Variants in FGFR1 observed in about 807,000 individuals in gnomAD.
The protein encoded by FGFR1 is FGFR1/PLAG1 fusion.
FGFR1 carries 18 observed loss-of-function variants against 93.7 expected under a neutral mutation model. That is an observed-to-expected ratio of 0.19 (90% CI 0.13 to 0.28). The LOEUF (loss-of-function observed/expected upper bound fraction) is 0.28. Among genes scored for constraint, FGFR1 ranks in the 10% least tolerant of loss-of-function variants. FGFR1 has a pLI of 1.00. For missense variants in FGFR1, 731 were observed against 1,080.4 expected (o/e 0.68, Z 4.53); for synonymous variants, 448 against 429.3 (o/e 1.04, Z -0.54).
chr8:38,457,275 C>G (rs1434658601), intron 2 of FGFR1, 81 bp downstream of exon 2: 4 of 1,498,068 alleles, frequency 2.7e-6, no homozygotes, highest in African/African-American at 2.7e-5. Context: ...GACCACATCA[C>G]CTGCAACCAT....
intron 2 of FGFR1, among the ~76,000 whole-genome samples, chr8:38,444,194 A>G (rs1248636803): frequency 1.3e-5 from 2 of 151,910 alleles, no homozygotes; most frequent in Non-Finnish European, 2.9e-5. Context: ...TTACTGGCCT[A>G]TGAAATCTAA....
intron 6 of FGFR1, among the ~76,000 whole-genome samples, chr8:38,425,503 A>G (rs895952872): frequency 1.3e-5 from 2 of 152,122 alleles, no homozygotes; most frequent in Admixed American, 6.5e-5. Context: ...AGACCATATC[A>G]TCATAATCAA....
At chr8:38,451,322 C>T (rs1831005534) in intron 2 of FGFR1, among the ~76,000 whole-genome samples, 2 of 150,794 alleles carry the variant, frequency 1.3e-5, no homozygotes, top group South Asian at 4.2e-4. Flanking sequence ...AGTGTAGATG[C>T]TAGACTACAG....
intron 9 of FGFR1, 21 bp downstream of exon 9, chr8:38,419,512 G>T: frequency 6.2e-7 from 1 of 1,607,846 alleles, no homozygotes; most frequent in Non-Finnish European, 8.5e-7. Context: ...TGCTGAGTGT[G>T]CAAATCCCCC....
chr8:38,452,200 GACACACACACACACACACACACACAC>G (rs3051753), intron 2 of FGFR1, among the ~76,000 whole-genome samples: 4 of 139,096 alleles, frequency 2.9e-5, no homozygotes, highest in Admixed American at 1.4e-4. Context: ...CAGACACACA[GACACACACACACACACACACACACAC>G]ACACACACAC....
At chr8:38,419,967 C>T (rs1818130745) in intron 8 of FGFR1, 2 of 558,206 alleles carry the variant, frequency 3.6e-6, no homozygotes, top group African/African-American at 3.8e-5. Flanking sequence ...TGGCCTAGAA[C>T]CATCGTGCTA....
chr8:38,446,231 AG>A (rs1829231526), intron 2 of FGFR1, among the ~76,000 whole-genome samples: 1 of 144,392 alleles, frequency 6.9e-6, no homozygotes, highest in Non-Finnish European at 1.5e-5. Flanking sequence ...TTTTTTTTAA[AG>A]AGGAAGTCTT....
chr8:38,456,054 A>G (rs1010660998), intron 2 of FGFR1, among the ~76,000 whole-genome samples: 1 of 152,158 alleles, frequency 6.6e-6, no homozygotes, highest in East Asian at 1.9e-4. Context: ...AGTCTCACAC[A>G]ACTTTCCCTG....
intron 2 of FGFR1, among the ~76,000 whole-genome samples, chr8:38,448,407 G>A (rs1323970116): frequency 1.3e-5 from 2 of 152,012 alleles, no homozygotes; most frequent in Admixed American, 6.5e-5. Context: ...AGCCACCTGA[G>A]TAGATGGGAT....
At chr8:38,439,441 C>G (rs1306814307) in intron 2 of FGFR1, among the ~76,000 whole-genome samples, 1 of 152,184 alleles carries the variant, frequency 6.6e-6, no homozygotes. Flanking sequence ...CCCCTGATGA[C>G]CCACTGAGAA....
chr8:38,438,521 T>C (rs906807213), intron 2 of FGFR1, among the ~76,000 whole-genome samples: 16 of 143,218 alleles, frequency 1.1e-4, no homozygotes, highest in Admixed American at 9.5e-4. Flanking sequence ...CCAGCCTGGG[T>C]GACAGACCCA....
chr8:38,413,230 A>C lies in FGFR1; in HGVS notation c.*398T>G. On this transcript the variant is annotated 3_prime_UTR_variant, in exon 18 of 18. Transcript: ENST00000447712. The surrounding 1 kb of genome is among the most constrained non-coding windows in gnomAD (Gnocchi z 4.2). Reference sequence around the variant, plus strand: ...CCCTGAGGACAAGGCACCTGCCACCAGAGTGCGAGGGGCTTATGGGTGAAG... The same window carrying C: ...CCCTGAGGACAAGGCACCTGCCACCCGAGTGCGAGGGGCTTATGGGTGAAG... The C allele has an allele frequency of 3.3e-6, 1 of 300,448 alleles. No individual in the cohort carries two copies. The highest frequency in any genetic ancestry group is 6.3e-6 in the Non-Finnish European group (1 of 159,708). 18.6% of individuals were successfully genotyped at this position (300,448 alleles called of 1,614,324 possible). A position where few individuals can be genotyped will look rare whatever the true frequency, so the allele number is the denominator to read the frequency against.
Position 38,429,583 on chromosome 8 carries a change from A to AC in FGFR1, c.358+98_358+99insG, listed in dbSNP as rs1186348499. 14 of 1,308,022 alleles carry AC rather than the reference A, an allele frequency of 1.1e-5. No individual in the cohort carries two copies. The highest frequency in any genetic ancestry group is 1.5e-5 in the African/African-American group (1 of 68,494). 81.0% of individuals were successfully genotyped at this position (1,308,022 alleles called of 1,614,324 possible). On this transcript the variant is annotated intron_variant, in intron 3 of 17. Transcript: ENST00000447712. The surrounding 1 kb of genome is among the most constrained non-coding windows in gnomAD (Gnocchi z 4.4). ...AGTTTCTGAAGCAGAGTGGGGGCAG[A>AC]TCACGGAGGGGGAGGAGGTTCACCT...
In FGFR1 at chr8:38,419,747, C is replaced by T. The variant is rs748061953; in HGVS notation, c.1082-12G>A. On this transcript the variant is annotated splice_polypyrimidine_tract_variant and intron_variant, in intron 8 of 17. Coordinates refer to ENST00000447712, the MANE Select transcript of FGFR1 (RefSeq NM_023110.3). ...CCTCTCTTCCAGGGCTGAGTCAGTG[C>T]GAACAGGGTGTTAGCAGGCTTGGAG... The T allele has an allele frequency of 2.3e-5, 37 of 1,613,382 alleles. No homozygotes were observed. Among genetic ancestry groups the T allele is most frequent in the South Asian group, 3.3e-5 (3 of 91,000 alleles).
At chr8:38,416,841 C>G (rs540061523) in intron 12 of FGFR1, among the ~76,000 whole-genome samples, 36 of 152,338 alleles carry the variant, frequency 2.4e-4, no homozygotes, top group Non-Finnish European at 4.1e-4. Flanking sequence ...CAACCTCCAC[C>G]TCCCGGGTTC....
intron 2 of FGFR1, among the ~76,000 whole-genome samples, chr8:38,440,821 AC>A (rs1276443221): frequency 6.6e-6 from 1 of 152,066 alleles, no homozygotes; most frequent in East Asian, 1.9e-4. Context: ...TGGGGACCCC[AC>A]CGGGGCTTAC....
intron 2 of FGFR1, among the ~76,000 whole-genome samples, chr8:38,454,980 T>TG (rs1255722266): frequency 6.8e-6 from 1 of 147,770 alleles, no homozygotes; most frequent in East Asian, 2.0e-4. Flanking sequence ...TTGCTTTTTT[T>TG]TTTTTTTTTT....
intron 2 of FGFR1, among the ~76,000 whole-genome samples, chr8:38,453,903 C>CAAAA (rs1327508197): frequency 1.3e-5 from 2 of 151,974 alleles, no homozygotes. Context: ...TAAAACCAAC[C>CAAAA]AACCAACAAA....
intron 1 of FGFR1, chr8:38,465,494 A>G (rs1835297053): frequency 4.3e-6 from 1 of 230,376 alleles, no homozygotes; most frequent in Non-Finnish European, 8.6e-6. Flanking sequence ...AGCTGGAGTC[A>G]GGCCCCAGCA....
Sources: gnomAD v4.1 joint callset for allele counts (sites outside exome capture counted in the v4.1 genomes callset) on GRCh38, gnomAD v4.1.1 for gene constraint, Gnocchi (gnomAD v3.1) non-coding constraint, MANE v1.5 for transcripts, NCBI Gene and HGNC (gene_info 2026-07-23, HGNC 2026-07-21) for gene names.